SYT8: variants seen among roughly 807,000 people sequenced by gnomAD.
SYT8 encodes synaptotagmin-8.
A neutral mutation model predicts 34.9 loss-of-function variants in SYT8; 50 were observed. That is an observed-to-expected ratio of 1.43 (90% CI 1.14 to 1.81). The LOEUF (loss-of-function observed/expected upper bound fraction) is 1.81, where lower values mean the gene tolerates loss of function less well. Ranked by LOEUF, SYT8 falls within the 40% of genes most tolerant of loss-of-function variation. SYT8 has a pLI of 0.00. For missense variants in SYT8, 595 were observed against 529.0 expected (o/e 1.12, Z -1.22); for synonymous variants, 255 against 234.2 (o/e 1.09, Z -0.81).
rs373722872 is a variant in SYT8, at chr11:1,837,327, C to A, written c.1060C>A (p.Arg354=). Residue 354 remains arginine, a synonymous_variant, in exon 8 of 8, where the codon CGG becomes AGG. Transcript: ENST00000341958. Reference sequence around the variant, plus strand: ...GGCAGACATGCTGGCCCACGCCCGGCGGCCCATTGCCCAGCGGCACCCCCT... The same window carrying A: ...GGCAGACATGCTGGCCCACGCCCGGAGGCCCATTGCCCAGCGGCACCCCCT... ...HWADMLAHAR[R]PIAQRHPLRP... 1 of 1,590,738 alleles carries A rather than the reference C, an allele frequency of 6.3e-7. No individual in the cohort carries two copies. The highest frequency in any genetic ancestry group is 8.5e-7 in the Non-Finnish European group (1 of 1,173,286).
rs144635410 is a variant in SYT8 at position 1,836,285 on chromosome 11, G to C, written c.516+1G>C. The C allele has an allele frequency of 3.2e-6, 5 of 1,547,536 alleles. No homozygotes were observed. The highest frequency in any genetic ancestry group is 4.4e-6 in the Non-Finnish European group (5 of 1,148,692). ...GTTTGACGAGACCTGCTGCTTCCAC[G>C]TGAGTCAGGGATGGTCGGCTGGGTG... On this transcript the variant is annotated splice_donor_variant, in intron 4 of 7. Transcript: ENST00000341958. LOFTEE classifies it high-confidence loss of function.
upstream of SYT8, chr11:1,834,240 C>T: frequency 2.2e-6 from 1 of 455,992 alleles, no homozygotes; most frequent in South Asian, 2.3e-5. This position sits in a 1 kb window ranked among gnomAD's most constrained non-coding sequence, Gnocchi z 4.5. Context: ...CTCCCCAGGC[C>T]CTAGGCAGGC....
chr11:1,832,825 C>T (rs946813720), upstream of SYT8, among the ~76,000 whole-genome samples: 9 of 152,150 alleles, frequency 5.9e-5, no homozygotes, highest in African/African-American at 1.7e-4. Context: ...TGCCGCTGGC[C>T]GGCCGCGGCA....
In SYT8 at chr11:1,835,197, C is replaced by A. The variant is rs199556045; in HGVS notation, c.92C>A (p.Pro31His). The change falls in exon 1 of 8, where the codon CCC becomes CAC. Residue 31 changes from proline to histidine, a missense_variant and splice_region_variant. Coordinates refer to ENST00000341958, the MANE Select transcript of SYT8 (RefSeq NM_001394072.1). Reference protein sequence around the residue: ...GLIPDLVAGTPWPRWALIAGA... With the variant: ...GLIPDLVAGTHWPRWALIAGA... ...ATTCCAGACCTTGTCGCCGGGACCC[C>A]CTGTGAGTTGTGGGATTCCCAAGAG... 1 of 1,613,168 alleles carries A rather than the reference C, an allele frequency of 6.2e-7. No homozygotes were observed. The highest frequency in any genetic ancestry group is 2.2e-5 in the East Asian group (1 of 44,870).
intron 1 of SYT8, 23 bp from the exon 2 acceptor site, chr11:1,835,273 A>G: frequency 6.2e-7 from 1 of 1,601,918 alleles, no homozygotes; most frequent in Non-Finnish European, 8.5e-7. Context: ...CCACAGATGC[A>G]CTCAGCCTGG....
rs1294808302 is a variant in SYT8 at position 1,837,388 on chromosome 11, TGCA to T, written c.1124_1126del (p.Gln375del). 1.2e-6 allele frequency: 2 copies of T among 1,603,374 alleles called. No homozygotes were observed. The highest frequency in any genetic ancestry group is 2.7e-5 in the African/African-American group (2 of 74,908). ...AGGGAGGTGGACCGCATGCTGGCCC[TGCA>T]GCCCCGCCTTCGCCTGCGCCTGCCC... On this transcript the variant is annotated inframe_deletion, in exon 8 of 8. Coordinates refer to ENST00000341958, the MANE Select transcript of SYT8 (RefSeq NM_001394072.1).
chr11:1,835,399 G>A lies in SYT8; in HGVS notation c.198G>A (p.Lys66=), dbSNP rs561904281. 8.1e-6 allele frequency: 13 copies of A among 1,609,482 alleles called. No homozygotes were observed. In the East Asian group the frequency reaches 2.9e-4, roughly 36 times the overall value. Residue 66 remains lysine, a synonymous_variant, in exon 2 of 8, where the codon AAG becomes AAA. Transcript: ENST00000341958. The part of the protein sequence containing the change: ...ACCCCRRHRK[K]PRDKESVGLG... ...GCTGCTGCCGCCGCCACAGGAAGAA[G>A]CCCAGGGACAAGGAGTCCGTGGGTC...
At chr11:1,831,848 G>A (rs112609219), upstream of SYT8, 2 of 446,108 alleles carry the variant, frequency 4.5e-6, no homozygotes, top group African/African-American at 4.0e-5. Context: ...TCGGGTGTCT[G>A]AGAGGAAGGC....
At chr11:1,832,253 C>T (rs1316997224), upstream of SYT8, among the ~76,000 whole-genome samples, 2 of 152,120 alleles carry the variant, frequency 1.3e-5, no homozygotes, top group East Asian at 3.9e-4. Flanking sequence ...TGCGGAGAGG[C>T]CTTCTAAGCA....
At chr11:1,833,813 T>TGC (rs994291821), upstream of SYT8, 1 of 135,018 alleles carries the variant, frequency 7.4e-6, no homozygotes, top group South Asian at 2.5e-4. Context: ...TGTGTGCGCG[T>TGC]GCGTGTGTGT....
intron 5 of SYT8, 44 bp downstream of exon 5, chr11:1,836,636 A>T (rs772608264): frequency 6.2e-7 from 1 of 1,601,742 alleles, no homozygotes; most frequent in Non-Finnish European, 8.5e-7. Context: ...CAGAGCTGGC[A>T]GGGACCCTGC....
upstream of SYT8, chr11:1,832,021 T>C (rs2133004691): frequency 2.9e-6 from 1 of 339,724 alleles, no homozygotes; most frequent in Non-Finnish European, 5.9e-6. Flanking sequence ...AGACTCACCC[T>C]GGAGGGAAGC....
At position 1,837,396 on chromosome 11, in the gene SYT8, C is replaced by T. The variant is rs372526046; in HGVS notation, c.1129C>T (p.Arg377Cys). Residue 377 changes from arginine (R) to cysteine (C), a missense_variant, in exon 8 of 8, where the codon CGC becomes TGC. Transcript: ENST00000341958. ...EVDRMLALQPRLRLRLPLPHS is the reference protein window; with the variant it reads ...EVDRMLALQPCLRLRLPLPHS The stretch of plus-strand genomic sequence containing the variant: ...GGACCGCATGCTGGCCCTGCAGCCC[C>T]GCCTTCGCCTGCGCCTGCCCTTGCC... 29 of 1,604,220 alleles carry T rather than the reference C, an allele frequency of 1.8e-5. No homozygotes were observed. The highest frequency in any genetic ancestry group is 8.3e-5 in the Admixed American group (5 of 59,924).
chr11:1,837,438 C>A lies in SYT8; in HGVS notation c.*7C>A. 1.2e-6 allele frequency: 2 copies of A among 1,604,908 alleles called. No individual in the cohort carries two copies. ...GCCCTTGCCCCACTCCTGAATGCACCACATGCCTCTGTCTCCCCGCTGAGC... is the reference window on the plus strand; with the variant it reads ...GCCCTTGCCCCACTCCTGAATGCACAACATGCCTCTGTCTCCCCGCTGAGC... On this transcript the variant is annotated 3_prime_UTR_variant, in exon 8 of 8. Coordinates refer to ENST00000341958, the MANE Select transcript of SYT8 (RefSeq NM_001394072.1).
rs753093760 is a variant in SYT8, at chr11:1,837,471, C to A, written c.*40C>A. The A allele has an allele frequency of 3.3e-5, 53 of 1,593,832 alleles. No individual in the cohort carries two copies. Among genetic ancestry groups the A allele is most frequent in the Non-Finnish European group, 4.5e-5 (53 of 1,174,506 alleles). On this transcript the variant is annotated 3_prime_UTR_variant, in exon 8 of 8. Transcript: ENST00000341958. ...TCTGTCTCCCCGCTGAGCCCAGGCA[C>A]TTGCCCAGGCCGCCCTGCAGGACCA...
upstream of SYT8, among the ~76,000 whole-genome samples, chr11:1,833,363 G>A (rs1846740018): frequency 6.6e-6 from 1 of 152,246 alleles, no homozygotes; most frequent in Non-Finnish European, 1.5e-5. Flanking sequence ...GCCCAGTGCA[G>A]AATGAAAATG....
rs370098941 is a variant in SYT8, at chr11:1,836,906, G to T, written c.790+45G>T. 3.9e-4 allele frequency: 634 copies of T among 1,612,634 alleles called. 4 individuals carry two copies. Among genetic ancestry groups the T allele is most frequent in the South Asian group, 4.9e-4 (45 of 91,066 alleles). ...ACGTTGTTGTACAGAGGGGGGGCCC[G>T]TGCTCAGCCCCGAGCCCTGGGATGC... On this transcript the variant is annotated intron_variant, in intron 6 of 7. Transcript: ENST00000341958.
At chr11:1,831,979 G>T, upstream of SYT8, 3 of 355,168 alleles carry the variant, frequency 8.4e-6, no homozygotes, top group East Asian at 2.2e-4. Context: ...TCACGGAAAG[G>T]TGTTCCCACG....
In SYT8 at chr11:1,834,999, A is replaced by T. The variant is rs1378405625; in HGVS notation, c.-107A>T. 8.4e-7 allele frequency: 1 copy of T among 1,193,388 alleles called. No homozygotes were observed. 73.9% of individuals were successfully genotyped at this position (1,193,388 alleles called of 1,614,324 possible). On this transcript the variant is annotated 5_prime_UTR_variant, in exon 1 of 8. Coordinates refer to ENST00000341958, the MANE Select transcript of SYT8 (RefSeq NM_001394072.1). This position sits in a 1 kb window ranked among gnomAD's most constrained non-coding sequence, Gnocchi z 4.5. ...GCCTCCTTGCCCTGGCAGACCCAGC[A>T]CTGGCTGCTGCTAGTCAGATGGGGT...
Sources: allele counts gnomAD v4.1 joint callset (sites outside exome capture counted in the v4.1 genomes callset), GRCh38; gene constraint gnomAD v4.1.1; non-coding constraint Gnocchi (gnomAD v3.1); transcripts MANE v1.5; gene names NCBI Gene and HGNC (gene_info 2026-07-23, HGNC 2026-07-21).